Variants in RASA3 observed in about 807,000 individuals in gnomAD.
The protein encoded by RASA3 is RAS p21 protein activator 3, also known as ras GTPase-activating protein 3.
In RASA3, 73 loss-of-function variants were observed where a neutral mutation model predicts 110.0. The ratio of observed to expected loss-of-function variants is 0.66; its 90% CI spans 0.55 to 0.81. The LOEUF (loss-of-function observed/expected upper bound fraction) is 0.81. Among genes scored for constraint, RASA3 ranks in the 30% least tolerant of loss-of-function variants. The probability of loss-of-function intolerance (pLI) is 0.00; values close to 1 mark genes in which losing one functional copy is unlikely to be tolerated. For missense variants in RASA3, 976 were observed against 1,113.2 expected, an observed-to-expected ratio of 0.88 and a Z score of 1.75; for synonymous variants, 500 against 451.4, an observed-to-expected ratio of 1.11 and a Z score of -1.37.
At chr13:114,003,287 TC>T (rs1451300249) in intron 18 of RASA3, among the ~76,000 whole-genome samples, 3 of 152,110 alleles carry the variant, frequency 2.0e-5, no homozygotes, top group African/African-American at 4.8e-5. Context: ...CTCAGCTGCA[TC>T]CAGGGCACCT....
chr13:113,978,906 G>A lies in RASA3; in HGVS notation c.*441C>T, dbSNP rs985422326. 1.2e-5 allele frequency: 2 copies of A among 165,132 alleles called. No individual in the cohort carries two copies. The highest frequency in any genetic ancestry group is 1.2e-4 in the Admixed American group (2 of 16,958). The allele number at this position is 165,132 out of a possible 1,614,324, so 10.2% of individuals were successfully genotyped here. A position where few individuals can be genotyped will look rare whatever the true frequency, so the allele number is the denominator to read the frequency against. ...CCGAGGCGGGGCCAGCAGGCCTCCCGGGCACAGAGCCACAGAGCCCAGCGT... is the reference window on the plus strand; with the variant it reads ...CCGAGGCGGGGCCAGCAGGCCTCCCAGGCACAGAGCCACAGAGCCCAGCGT... On this transcript the variant is annotated 3_prime_UTR_variant, in exon 24 of 24. Transcript: ENST00000334062.
intron 14 of RASA3, among the ~76,000 whole-genome samples, chr13:114,013,657 CCT>C (rs1348952108): frequency 8.4e-6 from 1 of 118,644 alleles, no homozygotes; most frequent in Non-Finnish European, 1.7e-5. Flanking sequence ...TGTCTCTCTC[CCT>C]CTTTGTCCCT....
At chr13:114,102,402 T>TGAGAGG (rs1247712871) in intron 1 of RASA3, among the ~76,000 whole-genome samples, 2 of 151,640 alleles carry the variant, frequency 1.3e-5, no homozygotes, top group African/African-American at 2.4e-5. Flanking sequence ...AGAGAGACGG[T>TGAGAGG]GAGAGGGAGA....
chr13:114,032,662 C>T (rs1249507451), intron 4 of RASA3, among the ~76,000 whole-genome samples: 1 of 151,134 alleles, frequency 6.6e-6, no homozygotes, highest in African/African-American at 2.4e-5. Flanking sequence ...GGCACCCCCA[C>T]ACTTGGCACC....
At chr13:114,053,385 C>T (rs559958555) in intron 2 of RASA3, among the ~76,000 whole-genome samples, 1 of 152,386 alleles carries the variant, frequency 6.6e-6, no homozygotes, top group Admixed American at 6.5e-5. Context: ...TTAGTTTCCT[C>T]CCCACGCCGG....
chr13:114,027,706 C>T (rs929550618), intron 6 of RASA3, 141 bp downstream of exon 6: 9 of 960,122 alleles, frequency 9.4e-6, no homozygotes, highest in Admixed American at 4.1e-5. Flanking sequence ...ATAAAGAAAA[C>T]AAAAGGAAGT....
chr13:113,994,184 C>T (rs1366858023), intron 21 of RASA3, among the ~76,000 whole-genome samples: 2 of 152,116 alleles, frequency 1.3e-5, no homozygotes, highest in Non-Finnish European at 2.9e-5. Context: ...CCCAACTTCT[C>T]TTGTAAAAAA....
At chr13:114,022,561 C>G (rs906437351) in intron 8 of RASA3, among the ~76,000 whole-genome samples, 37 of 152,284 alleles carry the variant, frequency 2.4e-4, no homozygotes, top group African/African-American at 7.9e-4. Context: ...GTTACCCTTG[C>G]GAATCCTGCA....
chr13:114,049,729 C>T (rs1010099642), intron 3 of RASA3, among the ~76,000 whole-genome samples: 1 of 152,266 alleles, frequency 6.6e-6, no homozygotes, highest in African/African-American at 2.4e-5. Flanking sequence ...AATCTGGATT[C>T]CATGCCTCCC....
intron 12 of RASA3, 101 bp downstream of exon 12, chr13:114,017,136 A>T: frequency 9.2e-7 from 1 of 1,084,282 alleles, no homozygotes; most frequent in South Asian, 1.3e-5. Context: ...CCGACATTCA[A>T]GCCCAGCTCG....
chr13:114,061,181 A>C (rs1375683515), intron 2 of RASA3, among the ~76,000 whole-genome samples: 1 of 152,156 alleles, frequency 6.6e-6, no homozygotes, highest in Non-Finnish European at 1.5e-5. Flanking sequence ...ACCAAAACCC[A>C]ACTCAGTTCT....
At chr13:114,047,853 G>A (rs9562106) in intron 3 of RASA3, among the ~76,000 whole-genome samples, 15,823 of 152,280 alleles carry the variant, frequency 0.1, 1,141 homozygotes, top group African/African-American at 0.18. Flanking sequence ...CCGGGGCTGT[G>A]GGCCAGGGTA....
At position 114,117,964 on chromosome 13, in the gene RASA3, C is replaced by A. The variant is rs549645330; in HGVS notation, c.55+14471G>T. ...GGGGTGCACGTGTGAGGGGTGCATG[C>A]ACACGCACCTGTGTGCACATGTGGA... On this transcript the variant is annotated intron_variant, in intron 1 of 23. Transcript: ENST00000334062. Among the ~76,000 whole-genome samples the A allele has an allele frequency of 2.0e-5, 3 of 151,976 alleles. No homozygotes were observed. In the East Asian group the frequency reaches 5.8e-4, roughly 29 times the overall value.
intron 2 of RASA3, among the ~76,000 whole-genome samples, chr13:114,060,187 G>A (rs1347730375): frequency 6.6e-6 from 1 of 152,236 alleles, no homozygotes; most frequent in Non-Finnish European, 1.5e-5. Flanking sequence ...GAAGGCTGAC[G>A]TGGCCTGGGC....
At chr13:114,021,655 G>A (rs1004232411) in intron 8 of RASA3, 147 bp from the exon 9 acceptor site, 10 of 644,202 alleles carry the variant, frequency 1.6e-5, no homozygotes, top group Non-Finnish European at 2.4e-5. Context: ...CACAGGGCAC[G>A]TTTCAAACAC....
At chr13:114,090,649 A>C (rs2079879047) in intron 1 of RASA3, among the ~76,000 whole-genome samples, 3 of 152,174 alleles carry the variant, frequency 2.0e-5, no homozygotes, top group African/African-American at 7.2e-5. Flanking sequence ...AGAGAAAAAC[A>C]CCTCACAGCA....
chr13:114,063,464 A>C (rs2079396488), intron 2 of RASA3, among the ~76,000 whole-genome samples: 1 of 151,862 alleles, frequency 6.6e-6, no homozygotes, highest in African/African-American at 2.4e-5. Context: ...TTTATGTTAT[A>C]AATATAGAAG....
chr13:113,980,175 G>GTGTGTGCAC, intron 23 of RASA3, among the ~76,000 whole-genome samples: 1 of 138,600 alleles, frequency 7.2e-6, no homozygotes, highest in East Asian at 2.2e-4. Flanking sequence ...CCACGTGTGT[G>GTGTGTGCAC]CACCTCCTCC....
intron 7 of RASA3, among the ~76,000 whole-genome samples, chr13:114,025,627 A>C (rs1013750710): frequency 6.6e-6 from 1 of 152,244 alleles, no homozygotes; most frequent in Non-Finnish European, 1.5e-5. Context: ...CCAGCTGATC[A>C]CCAGCACGGT....
Sources: allele counts gnomAD v4.1 joint callset (sites outside exome capture counted in the v4.1 genomes callset), GRCh38; gene constraint gnomAD v4.1.1; transcripts MANE v1.5; gene names NCBI Gene and HGNC (gene_info 2026-07-23, HGNC 2026-07-21).